The following SEM1 variants were observed in gnomAD, a reference collection of about 807,000 sequenced individuals.
SEM1 encodes 26S proteasome complex subunit SEM1.
A neutral mutation model predicts 12.7 loss-of-function variants in SEM1; 3 were observed. That is an observed-to-expected ratio of 0.24 (90% CI 0.11 to 0.61). SEM1 has a LOEUF of 0.61. SEM1 is among the 20% of genes least tolerant of loss of function. The pLI is 0.88. For synonymous variants in SEM1, 30 were observed against 27.8 expected (o/e 1.08, Z -0.25); for missense variants, 59 against 81.3 (o/e 0.73, Z 1.06).
chr7:96,594,193 C>G (rs1030202639), intron 2 of SEM1, among the ~76,000 whole-genome samples: 5 of 152,100 alleles, frequency 3.3e-5, no homozygotes, highest in Non-Finnish European at 7.3e-5. Context: ...CTGTGAGAAG[C>G]AGATTTATGC....
At chr7:96,503,450 T>C (rs1007177147) in intron 3 of SEM1, 47 of 152,220 alleles carry the variant, frequency 3.1e-4, no homozygotes, top group African/African-American at 1.1e-3. Context: ...TTACCTTTTG[T>C]AGGAGAAAAA....
At chr7:96,507,878 T>C (rs535138738) in intron 2 of SEM1, among the ~76,000 whole-genome samples, 89 of 152,156 alleles carry the variant, frequency 5.8e-4, no homozygotes, top group African/African-American at 2.1e-3. Context: ...ACCTACTTGA[T>C]AGGATGGGAT....
intron 2 of SEM1, among the ~76,000 whole-genome samples, chr7:96,656,744 G>T (rs1004989308): frequency 1.3e-5 from 2 of 151,996 alleles, no homozygotes; most frequent in Non-Finnish European, 2.9e-5. Flanking sequence ...GTCTGCAAAT[G>T]AGAATGAAGA....
chr7:96,605,379 A>G (rs1465629689), intron 2 of SEM1, among the ~76,000 whole-genome samples: 2 of 152,214 alleles, frequency 1.3e-5, no homozygotes. Context: ...GGAAAATCAT[A>G]TAAAAGCATA....
At chr7:96,620,564 AT>A (rs1186592534), downstream of SEM1, among the ~76,000 whole-genome samples, 1 of 152,054 alleles carries the variant, frequency 6.6e-6, no homozygotes, top group African/African-American at 2.4e-5. Flanking sequence ...GTAAAAACCC[AT>A]TTCGGAGCCC....
intron 2 of SEM1, among the ~76,000 whole-genome samples, chr7:96,612,636 T>C (rs1191822753): frequency 6.6e-6 from 1 of 152,220 alleles, no homozygotes; most frequent in African/African-American, 2.4e-5. Flanking sequence ...TTTTGGTTTT[T>C]TTTGTTGTTT....
At chr7:96,583,777 C>T (rs373302027) in intron 2 of SEM1, among the ~76,000 whole-genome samples, 1 of 146,210 alleles carries the variant, frequency 6.8e-6, no homozygotes, top group East Asian at 2.2e-4. Context: ...CTGTTTTATC[C>T]GAGACTAGGA....
intron 2 of SEM1, among the ~76,000 whole-genome samples, chr7:96,584,463 G>A (rs1271293940): frequency 6.6e-5 from 10 of 151,852 alleles, no homozygotes; most frequent in Admixed American, 3.9e-4. Flanking sequence ...TGCTCTTCTC[G>A]AGGAGTATCT....
chr7:96,581,252 C>G (rs1806394697), intron 2 of SEM1, among the ~76,000 whole-genome samples: 1 of 152,066 alleles, frequency 6.6e-6, no homozygotes, highest in Middle Eastern at 3.2e-3. Context: ...GCTTGTTTTT[C>G]TCAGGTTTGT....
At chr7:96,635,023 G>C (rs1329597088) in intron 2 of SEM1, among the ~76,000 whole-genome samples, 1 of 152,134 alleles carries the variant, frequency 6.6e-6, no homozygotes, top group East Asian at 1.9e-4. Flanking sequence ...ACCCAGACAG[G>C]AGCCTATCAG....
chr7:96,588,383 CACACACACACACACGA>C (rs1230218190), intron 2 of SEM1, among the ~76,000 whole-genome samples: 12 of 112,636 alleles, frequency 1.1e-4, no homozygotes, highest in South Asian at 6.9e-4. Context: ...CACACACACA[CACACACACACACACGA>C]GAGAGAGAGA....
chr7:96,492,675 C>G (rs1803063920), intron 1 of SEM1, among the ~76,000 whole-genome samples: 1 of 146,890 alleles, frequency 6.8e-6, no homozygotes, highest in Non-Finnish European at 1.5e-5. Context: ...AAGCGATCCA[C>G]CAGCCTTGGC....
chr7:96,658,969 C>A (rs1295178674), intron 2 of SEM1, among the ~76,000 whole-genome samples: 1 of 151,964 alleles, frequency 6.6e-6, no homozygotes, highest in African/African-American at 2.4e-5. Context: ...CACAAAGGTA[C>A]CATATGATCT....
Position 96,694,896 on chromosome 7 carries a change from A to C in SEM1, c.77-5T>G. ...CTTCATCTAAGCCAGCCCAGTCTAA[A>C]AATAGAAACAGATGCTGTCTAAATA... On this transcript the variant is annotated splice_region_variant and splice_polypyrimidine_tract_variant and intron_variant, in intron 1 of 2. Transcript: ENST00000248566. 1 of 1,586,964 alleles carries C rather than the reference A, an allele frequency of 6.3e-7. No homozygotes were observed. Among genetic ancestry groups the C allele is most frequent in the Non-Finnish European group, 8.6e-7 (1 of 1,157,012 alleles).
chr7:96,681,254 A>C lies in SEM1; in HGVS notation c.171-7395T>G, dbSNP rs539673392. Among the ~76,000 whole-genome samples the C allele has an allele frequency of 2.0e-5, 3 of 152,254 alleles. No homozygotes were observed. In the East Asian group the frequency reaches 5.8e-4, roughly 29 times the overall value. On this transcript the variant is annotated intron_variant, in intron 2 of 2. Transcript: ENST00000413065. ...AGATTTTATGCTGCTTTTAAGAAGC[A>C]CTGACAGCATTTGAGGAAAATGGTG...
intron 2 of SEM1, among the ~76,000 whole-genome samples, chr7:96,643,050 T>C (rs1270192091): frequency 6.6e-6 from 1 of 152,104 alleles, no homozygotes; most frequent in African/African-American, 2.4e-5. Context: ...TCATCACCCA[T>C]GGATTAAGCC....
At chr7:96,483,909 A>G (rs1047899434) in exon 4 of SEM1, 2 of 1,536,654 alleles carry the variant, frequency 1.3e-6, no homozygotes, top group Non-Finnish European at 1.7e-6. Context: ...CCCGAATGGC[A>G]GCCAGGCAGG....
exon 4 of SEM1, chr7:96,481,657 A>T (rs926195264): frequency 1.3e-5 from 2 of 152,182 alleles, no homozygotes; most frequent in Non-Finnish European, 2.9e-5. Context: ...CTTTTAAAAT[A>T]TTCAAAATGA....
At chr7:96,574,251 C>T (rs1278666324) in intron 2 of SEM1, among the ~76,000 whole-genome samples, 1 of 152,294 alleles carries the variant, frequency 6.6e-6, no homozygotes, top group Non-Finnish European at 1.5e-5. Context: ...CATATCCCTA[C>T]AAAGGACATG....
Sources: allele counts gnomAD v4.1 joint callset (sites outside exome capture counted in the v4.1 genomes callset), GRCh38; gene constraint gnomAD v4.1.1; transcripts MANE v1.5; gene names NCBI Gene and HGNC (gene_info 2026-07-23, HGNC 2026-07-21).